Variants in MYBPC1 observed in about 807,000 individuals in gnomAD.
MYBPC1 encodes myosin binding protein C1, also known as myosin-binding protein C, slow-type.
In MYBPC1, 52 loss-of-function variants were observed where a neutral mutation model predicts 147.1. That is an observed-to-expected ratio of 0.35 (90% CI 0.28 to 0.45). MYBPC1 has a LOEUF of 0.45. Ranked by LOEUF, MYBPC1 falls within the 20% of genes least tolerant of loss-of-function variation. The pLI is 1.00. For missense variants in MYBPC1, 1,228 were observed against 1,440.3 expected, an observed-to-expected ratio of 0.85 and a Z score of 2.39; for synonymous variants, 477 against 475.9, an observed-to-expected ratio of 1.00 and a Z score of -0.03.
chr12:101,633,752 A>C (rs1048053884), intron 8 of MYBPC1, among the ~76,000 whole-genome samples: 1 of 151,292 alleles, frequency 6.6e-6, no homozygotes, highest in African/African-American at 2.4e-5. Flanking sequence ...AGGTTGTGAG[A>C]GTCCCACTGA....
chr12:101,603,914 G>A (rs1376994361), intron 1 of MYBPC1, among the ~76,000 whole-genome samples: 1 of 152,200 alleles, frequency 6.6e-6, no homozygotes, highest in African/African-American at 2.4e-5. Context: ...CTGGGTGGCA[G>A]AGTGAGACTC....
intron 1 of MYBPC1, among the ~76,000 whole-genome samples, chr12:101,608,326 AG>A (rs758619138): frequency 8.5e-5 from 13 of 152,178 alleles, no homozygotes; most frequent in Non-Finnish European, 1.8e-4. Context: ...TTTTTCAAAA[AG>A]TATCCTTGTT....
intron 23 of MYBPC1, chr12:101,669,924 C>T (rs1174240890): frequency 1.6e-5 from 4 of 250,302 alleles, no homozygotes; most frequent in Admixed American, 9.0e-5. Flanking sequence ...GAGAGAGACT[C>T]TCTGAAAAAA....
intron 3 of MYBPC1, among the ~76,000 whole-genome samples, chr12:101,620,348 G>C (rs1375590317): frequency 6.6e-6 from 1 of 152,210 alleles, no homozygotes; most frequent in Non-Finnish European, 1.5e-5. Context: ...TGTATGCTCA[G>C]TGGGGCCAAA....
In MYBPC1 at chr12:101,659,653, T is replaced by C; in HGVS notation, c.1768-19T>C. The C allele has an allele frequency of 6.2e-7, 1 of 1,613,990 alleles. No homozygotes were observed. The highest frequency in any genetic ancestry group is 8.5e-7 in the Non-Finnish European group (1 of 1,179,856). ...TTTATTGTGTAAATCATGCCACATT[T>C]TGTTTCTCCACTTCTTAGGCTATTA... On this transcript the variant is annotated intron_variant, in intron 18 of 31. Transcript: ENST00000361466.
At chr12:101,631,882 G>C in intron 7 of MYBPC1, 139 bp from the exon 8 acceptor site, 2 of 1,277,426 alleles carry the variant, frequency 1.6e-6, no homozygotes, top group Non-Finnish European at 2.3e-6. Flanking sequence ...GGCTGTGTCC[G>C]GGGGCTACAG....
At chr12:101,608,694 G>A (rs527349525) in intron 1 of MYBPC1, among the ~76,000 whole-genome samples, 13 of 152,186 alleles carry the variant, frequency 8.5e-5, no homozygotes, top group African/African-American at 3.1e-4. Context: ...TTGCTTTGCC[G>A]TTTTGGGGAG....
chr12:101,641,437 A>C (rs535187041), intron 10 of MYBPC1, among the ~76,000 whole-genome samples: 1 of 152,314 alleles, frequency 6.6e-6, no homozygotes, highest in South Asian at 2.1e-4. Context: ...TTTTATTTTT[A>C]TTTTATGCTT....
intron 1 of MYBPC1, among the ~76,000 whole-genome samples, chr12:101,598,287 T>C (rs1257421119): frequency 6.6e-6 from 1 of 152,178 alleles, no homozygotes; most frequent in Non-Finnish European, 1.5e-5. Flanking sequence ...CCCAGAGTGC[T>C]GGGATTACAG....
At chr12:101,622,714 G>A (rs1282531966) in intron 3 of MYBPC1, among the ~76,000 whole-genome samples, 4 of 151,962 alleles carry the variant, frequency 2.6e-5, no homozygotes, top group South Asian at 2.1e-4. Context: ...CAGCCTGGGC[G>A]ACAGAGTGAG....
chr12:101,675,345 G>A lies in MYBPC1; in HGVS notation c.2863G>A (p.Val955Ile), dbSNP rs768877959. ...GATTGAGGATGTCTGGGGAGAAAAT[G>A]TCGCTCTCACATGGACTCCACCAAA... ...VKIEDVWGEN[V>I]ALTWTPPKDD... is the part of the protein sequence containing the mutation. Residue 955 changes from valine to isoleucine, a missense_variant, in exon 26 of 32, where the codon GTC (valine) becomes ATC (isoleucine). By Grantham distance (29) the Val-to-Ile change is conservative. Around this residue, in one of 2 missense-constraint regions of MYBPC1, gnomAD observed 1,077 missense variants for 1,314.2 expected, o/e 0.82. Transcript: ENST00000361466. 2.5e-6 allele frequency: 4 copies of A among 1,613,980 alleles called. No homozygotes were observed. The highest frequency in any genetic ancestry group is 1.3e-5 in the African/African-American group (1 of 74,902).
intron 23 of MYBPC1, chr12:101,669,865 A>C (rs973223003): frequency 3.7e-6 from 1 of 269,304 alleles, no homozygotes; most frequent in Non-Finnish European, 6.9e-6. Context: ...TGAACCCAGG[A>C]GGCGGAGGTT....
At chr12:101,666,557 C>G in intron 22 of MYBPC1, 1 of 597,490 alleles carries the variant, frequency 1.7e-6, no homozygotes, top group Non-Finnish European at 3.0e-6. Flanking sequence ...ACAGTCTGCA[C>G]AGAGCAGGCT....
downstream of MYBPC1, among the ~76,000 whole-genome samples, chr12:101,687,169 A>G (rs1214089880): frequency 6.6e-6 from 1 of 151,892 alleles, no homozygotes; most frequent in Non-Finnish European, 1.5e-5. Context: ...GGTGTGCTGC[A>G]CCCATTAACT....
At chr12:101,631,322 A>G (rs1889836002) in intron 6 of MYBPC1, among the ~76,000 whole-genome samples, 2 of 152,216 alleles carry the variant, frequency 1.3e-5, no homozygotes, top group East Asian at 1.9e-4. Flanking sequence ...TTATCCATAT[A>G]TAAAAATTAC....
At chr12:101,665,492 T>C (rs1413234448) in intron 22 of MYBPC1, among the ~76,000 whole-genome samples, 1 of 152,184 alleles carries the variant, frequency 6.6e-6, no homozygotes, top group Non-Finnish European at 1.5e-5. Context: ...TTTTGTTTTG[T>C]TATTATTTTT....
At chr12:101,614,687 A>G (rs962893186) in intron 2 of MYBPC1, 156 bp downstream of exon 2, 4 of 746,688 alleles carry the variant, frequency 5.4e-6, no homozygotes, top group Non-Finnish European at 9.4e-6. Context: ...TGAGAATAAT[A>G]AAAATAATAC....
At chr12:101,666,840 T>C in intron 22 of MYBPC1, 1 of 1,566,862 alleles carries the variant, frequency 6.4e-7, no homozygotes, top group Non-Finnish European at 8.8e-7. Context: ...TACTATATTA[T>C]AATGTTTCTG....
chr12:101,670,008 C>A, intron 23 of MYBPC1: 1 of 411,496 alleles, frequency 2.4e-6, no homozygotes, highest in South Asian at 2.1e-5. Flanking sequence ...ATGTATTTTT[C>A]TATAAAGTTG....
Sources: gnomAD v4.1 joint callset for allele counts (sites outside exome capture counted in the v4.1 genomes callset) on GRCh38, gnomAD v4.1.1 for gene constraint, gnomAD v4.1.1 regional missense constraint, MANE v1.5 for transcripts, NCBI Gene and HGNC (gene_info 2026-07-23, HGNC 2026-07-21) for gene names.